The following SLC25A51 variants were observed in gnomAD, a reference collection of about 807,000 sequenced individuals.
The protein encoded by SLC25A51 is solute carrier family 25 member 51.
SLC25A51 carries 11 observed loss-of-function variants against 19.1 expected under a neutral mutation model. The observed-to-expected ratio is 0.58, with a 90% confidence interval of 0.36 to 0.96. The LOEUF (loss-of-function observed/expected upper bound fraction) is 0.96, where lower values mean the gene tolerates loss of function less well. SLC25A51 is among the 40% of genes least tolerant of loss of function. SLC25A51 has a pLI of 0.01. For synonymous variants in SLC25A51, 105 were observed against 133.6 expected (o/e 0.79, Z 1.47); for missense variants, 201 against 365.4 (o/e 0.55, Z 3.67).
intron 1 of SLC25A51, among the ~76,000 whole-genome samples, chr9:37,902,715 T>C (rs1209079120): frequency 6.6e-6 from 1 of 152,364 alleles, no homozygotes; most frequent in South Asian, 2.1e-4. Context: ...CGTAAAACTA[T>C]CTCATCATAA....
rs1266424788 is a variant in SLC25A51 at position 37,888,405 on chromosome 9, A to T, written c.146T>A (p.Phe49Tyr). The change falls in exon 3 of 3, where the codon TTT becomes TAT. Residue 49 changes from phenylalanine to tyrosine, a missense_variant. Physicochemically the swap from Phe to Tyr is conservative, Grantham distance 22 (BLOSUM62 3). Coordinates refer to ENST00000242275, the MANE Select transcript of SLC25A51 (RefSeq NM_033412.4). ...TCGAAAGAGGACCTTCTGAATGGGAAATGTGATTGCGACATTGTTGAAGGC... is the reference window on the plus strand; with the variant it reads ...TCGAAAGAGGACCTTCTGAATGGGATATGTGATTGCGACATTGTTGAAGGC... ...CAAFNNVAIT[F>Y]PIQKVLFRQQ... 9.9e-6 allele frequency: 16 copies of T among 1,614,266 alleles called. No homozygotes were observed. Among genetic ancestry groups the T allele is most frequent in the Admixed American group, 3.3e-5 (2 of 60,030 alleles).
intron 2 of SLC25A51, among the ~76,000 whole-genome samples, chr9:37,882,392 C>T (rs1831366087): frequency 6.6e-6 from 1 of 152,194 alleles, no homozygotes; most frequent in Admixed American, 6.5e-5. Context: ...CATCGACCAC[C>T]ATTATTCCCT....
intron 2 of SLC25A51, among the ~76,000 whole-genome samples, chr9:37,896,293 A>G (rs1831712717): frequency 1.3e-5 from 2 of 151,868 alleles, no homozygotes; most frequent in South Asian, 2.1e-4. Flanking sequence ...AGAGCCTGGT[A>G]TTTCTTCTCT....
chr9:37,903,303 G>A (rs1831895812), intron 1 of SLC25A51, among the ~76,000 whole-genome samples: 1 of 152,166 alleles, frequency 6.6e-6, no homozygotes, highest in Non-Finnish European at 1.5e-5. Flanking sequence ...AACAGAAGGT[G>A]GGAATTAAGA....
At chr9:37,882,307 C>G (rs1831364299) in intron 2 of SLC25A51, among the ~76,000 whole-genome samples, 1 of 152,040 alleles carries the variant, frequency 6.6e-6, no homozygotes, top group Non-Finnish European at 1.5e-5. Context: ...CACTCTACTT[C>G]ATCTACACTG....
At chr9:37,885,460 G>A (rs1383918061), downstream of SLC25A51, among the ~76,000 whole-genome samples, 2 of 150,984 alleles carry the variant, frequency 1.3e-5, no homozygotes, top group Non-Finnish European at 2.9e-5. Context: ...CTGGAGTTAC[G>A]ACACCAACTT....
downstream of SLC25A51, chr9:37,878,314 A>G (rs534503382): frequency 8.0e-4 from 136 of 170,518 alleles, no homozygotes; most frequent in Middle Eastern, 3.1e-3. Context: ...TTGTTACAGG[A>G]AGCAGGTATT....
At chr9:37,902,727 G>T (rs1300142577) in intron 1 of SLC25A51, among the ~76,000 whole-genome samples, 1 of 152,142 alleles carries the variant, frequency 6.6e-6, no homozygotes, top group Non-Finnish European at 1.5e-5. Context: ...TCATCATAAG[G>T]GAGCAGTTAA....
intron 2 of SLC25A51, among the ~76,000 whole-genome samples, chr9:37,894,928 A>G (rs187626707): frequency 6.6e-6 from 1 of 152,090 alleles, no homozygotes; most frequent in Non-Finnish European, 1.5e-5. Context: ...AGCTCCATCC[A>G]TGTTCCAGCA....
intron 1 of SLC25A51, among the ~76,000 whole-genome samples, chr9:37,901,202 C>T (rs1264671464): frequency 6.6e-6 from 1 of 151,958 alleles, no homozygotes; most frequent in Non-Finnish European, 1.5e-5. Context: ...CAGAGTCTCA[C>T]TCTGTTGCCC....
intron 2 of SLC25A51, among the ~76,000 whole-genome samples, chr9:37,895,127 T>A (rs1831688217): frequency 6.6e-6 from 1 of 152,200 alleles, no homozygotes; most frequent in African/African-American, 2.4e-5. Context: ...TGGGTATTGT[T>A]TTTTTCTATT....
intron 2 of SLC25A51, among the ~76,000 whole-genome samples, chr9:37,891,326 T>G (rs931649612): frequency 1.3e-5 from 2 of 152,148 alleles, no homozygotes; most frequent in African/African-American, 2.4e-5. Flanking sequence ...GAGGAGCCCC[T>G]CTGCCCGGCC....
At chr9:37,902,377 T>C (rs1831866833) in intron 1 of SLC25A51, among the ~76,000 whole-genome samples, 2 of 152,220 alleles carry the variant, frequency 1.3e-5, no homozygotes, top group Admixed American at 6.5e-5. Context: ...AACATTACTG[T>C]ACATTGAGAT....
At chr9:37,892,712 T>C (rs1831621171) in intron 2 of SLC25A51, among the ~76,000 whole-genome samples, 1 of 151,794 alleles carries the variant, frequency 6.6e-6, no homozygotes, top group Non-Finnish European at 1.5e-5. Flanking sequence ...TACCTGGGAC[T>C]ACAGGCACAT....
chr9:37,888,486 G>A lies in SLC25A51; in HGVS notation c.65C>T (p.Ser22Leu), dbSNP rs1831511282. The change falls in exon 3 of 3, where the codon TCA becomes TTA. Residue 22 changes from serine (S) to leucine (L), a missense_variant. Coordinates refer to ENST00000242275, the MANE Select transcript of SLC25A51 (RefSeq NM_033412.4). Reference protein sequence around the residue: ...PILTSSKQDISPHITNVGEMK... With the variant: ...PILTSSKQDILPHITNVGEMK... ...CTCACCAACATTTGTAATATGAGGT[G>A]ATATATCTTGTTTTGAAGATGTTAG... The A allele has an allele frequency of 6.2e-7, 1 of 1,614,080 alleles. No homozygotes were observed. Among genetic ancestry groups the A allele is most frequent in the Non-Finnish European group, 8.5e-7 (1 of 1,180,030 alleles).
intron 2 of SLC25A51, among the ~76,000 whole-genome samples, chr9:37,897,310 C>T (rs1831739357): frequency 6.6e-6 from 1 of 152,062 alleles, no homozygotes; most frequent in African/African-American, 2.4e-5. Flanking sequence ...CTGCCTCAGC[C>T]TCCCAAAGTG....
chr9:37,878,649 A>G (rs1831296826), downstream of SLC25A51: 1 of 156,036 alleles, frequency 6.4e-6, no homozygotes, highest in South Asian at 2.0e-4. Context: ...GGTTGCTCCC[A>G]GAACTGTACA....
At chr9:37,890,680 A>T (rs1236885006) in intron 2 of SLC25A51, among the ~76,000 whole-genome samples, 1 of 151,144 alleles carries the variant, frequency 6.6e-6, no homozygotes, top group East Asian at 1.9e-4. Context: ...TGGGTGACAG[A>T]GTAATACCCT....
chr9:37,895,067 G>T (rs1831686234), intron 2 of SLC25A51, among the ~76,000 whole-genome samples: 1 of 152,170 alleles, frequency 6.6e-6, no homozygotes, highest in Non-Finnish European at 1.5e-5. Context: ...TGTGAATAGT[G>T]CTGCAGTGAA....
Sources: allele counts gnomAD v4.1 joint callset (sites outside exome capture counted in the v4.1 genomes callset), GRCh38; gene constraint gnomAD v4.1.1; transcripts MANE v1.5; gene names NCBI Gene and HGNC (gene_info 2026-07-23, HGNC 2026-07-21).